The following FTO variants were observed in gnomAD, a reference collection of about 807,000 sequenced individuals.
The protein encoded by FTO is FTO alpha-ketoglutarate dependent dioxygenase.
FTO carries 47 observed loss-of-function variants against 63.9 expected under a neutral mutation model. The ratio of observed to expected loss-of-function variants is 0.74; its 90% CI spans 0.58 to 0.94. FTO has a LOEUF of 0.94. Among genes scored for constraint, FTO ranks in the 40% least tolerant of loss-of-function variants. The pLI is 0.00. For synonymous variants in FTO, 207 were observed against 224.4 expected, an observed-to-expected ratio of 0.92 and a Z score of 0.69; for missense variants, 562 against 618.1, an observed-to-expected ratio of 0.91 and a Z score of 0.96.
intron 1 of FTO, among the ~76,000 whole-genome samples, chr16:53,737,553 G>A (rs1024778286): frequency 1.3e-5 from 2 of 152,176 alleles, no homozygotes; most frequent in African/African-American, 4.8e-5. Flanking sequence ...ATACATTATT[G>A]TAATCTTATG....
In FTO at chr16:54,056,915, C is replaced by T. The variant is rs193169951; in HGVS notation, c.1365-54847C>T. On this transcript the variant is annotated intron_variant, in intron 8 of 8. Transcript: ENST00000471389. ...TATACTGGCCAATTACCACATGTATCGATTCATTTATTTATTCATTCAGTA... is the reference window on the plus strand; with the variant it reads ...TATACTGGCCAATTACCACATGTATTGATTCATTTATTTATTCATTCAGTA... Among the ~76,000 whole-genome samples the T allele has an allele frequency of 1.1e-4, 16 of 152,282 alleles. No individual in the cohort carries two copies. The East Asian group carries it at 2.7e-3, about 26-fold the overall frequency.
At chr16:54,093,315 C>G (rs954051480) in intron 8 of FTO, among the ~76,000 whole-genome samples, 1 of 152,222 alleles carries the variant, frequency 6.6e-6, no homozygotes, top group Non-Finnish European at 1.5e-5. Context: ...TCAGCTAGCG[C>G]GGCAGAAAAC....
At chr16:54,013,851 A>T (rs761563343) in intron 8 of FTO, among the ~76,000 whole-genome samples, 15 of 152,212 alleles carry the variant, frequency 9.9e-5, no homozygotes, top group Non-Finnish European at 2.1e-4. Context: ...CAAAAAATTC[A>T]CGTGAGCTAC....
intron 3 of FTO, among the ~76,000 whole-genome samples, chr16:53,843,037 G>C (rs950687552): frequency 3.9e-5 from 6 of 152,072 alleles, no homozygotes; most frequent in Non-Finnish European, 4.4e-5. Flanking sequence ...ATATTAGATA[G>C]TTCCATATCT....
intron 1 of FTO, among the ~76,000 whole-genome samples, chr16:53,723,474 C>T (rs1037494119): frequency 2.6e-5 from 4 of 152,038 alleles, no homozygotes; most frequent in African/African-American, 4.8e-5. Context: ...AGGAGGAAAA[C>T]GGGTCACCTG....
rs2086991343 is a variant in FTO at position 54,119,298 on chromosome 16, G to T, written c.*7383G>T. On this transcript the variant is annotated 3_prime_UTR_variant, in exon 9 of 9. Coordinates refer to ENST00000471389, the MANE Select transcript of FTO (RefSeq NM_001080432.3). ...ATTATCCTTTCAAATAGGGAATTCG[G>T]CTTTCCACGTTGGAACCAGAACAGT... is the stretch of plus-strand genomic sequence containing the variant. 6.6e-6 allele frequency: 1 copy of T among 152,166 alleles called. No individual in the cohort carries two copies. The highest frequency in any genetic ancestry group is 1.5e-5 in the Non-Finnish European group (1 of 68,040). The allele number at this position is 152,166 out of a possible 1,614,324, so 9.4% of individuals were successfully genotyped here. A position where few individuals can be genotyped will look rare whatever the true frequency, so the allele number is the denominator to read the frequency against.
intron 7 of FTO, among the ~76,000 whole-genome samples, chr16:53,889,478 G>A (rs556788582): frequency 6.6e-6 from 1 of 152,314 alleles, no homozygotes; most frequent in East Asian, 1.9e-4. Flanking sequence ...AGTTGAACAA[G>A]GAGAGGGGCA....
At chr16:54,025,238 A>C (rs1443735924) in intron 8 of FTO, among the ~76,000 whole-genome samples, 1 of 152,246 alleles carries the variant, frequency 6.6e-6, no homozygotes, top group South Asian at 2.1e-4. Flanking sequence ...AGCACTGTTA[A>C]TACTAGAAGA....
At chr16:53,715,504 ATCTTGGTGTCT>A (rs1427715276) in intron 1 of FTO, among the ~76,000 whole-genome samples, 1 of 152,222 alleles carries the variant, frequency 6.6e-6, no homozygotes, top group Non-Finnish European at 1.5e-5. Flanking sequence ...GGCAGGATGC[ATCTTGGTGTCT>A]TCTGTGGAGC....
chr16:53,970,153 C>G (rs1401517989), intron 8 of FTO, among the ~76,000 whole-genome samples: 1 of 152,168 alleles, frequency 6.6e-6, no homozygotes, highest in East Asian at 1.9e-4. Flanking sequence ...ACAAACCAAA[C>G]TAAAGCTCAA....
At chr16:54,105,516 T>G (rs1260049467) in intron 8 of FTO, among the ~76,000 whole-genome samples, 3 of 152,154 alleles carry the variant, frequency 2.0e-5, no homozygotes. Flanking sequence ...CATCAAACCT[T>G]GAGTAAGGCA....
chr16:54,018,638 C>T (rs1222746512), intron 8 of FTO, among the ~76,000 whole-genome samples: 3 of 152,076 alleles, frequency 2.0e-5, no homozygotes, highest in East Asian at 1.9e-4. Flanking sequence ...ATGCTAGTCT[C>T]GTGATAGTGA....
chr16:53,915,766 G>A (rs2081849477), intron 7 of FTO, among the ~76,000 whole-genome samples: 1 of 152,188 alleles, frequency 6.6e-6, no homozygotes, highest in Non-Finnish European at 1.5e-5. Flanking sequence ...GACAATTTCA[G>A]CGTGAAAGGG....
chr16:53,809,697 T>C (rs2078470253), intron 1 of FTO, among the ~76,000 whole-genome samples: 1 of 152,178 alleles, frequency 6.6e-6, no homozygotes, highest in Non-Finnish European at 1.5e-5. Context: ...ATCCCAGCAC[T>C]GTAGGAGGCC....
At position 53,844,203 on chromosome 16, in the gene FTO, C is replaced by A. The variant is rs1475617180; in HGVS notation, c.800C>A (p.Pro267His). The change falls in exon 4 of 9, where the codon CCT becomes CAT. Residue 267 changes from proline (P) to histidine (H), a missense_variant. Transcript: ENST00000471389. ...GACTCTCATCTCGAAGGCAGGGATC[C>A]TGATATTTGGCATGTTGGTTTTAAG... ...EDDSHLEGRD[P>H]DIWHVGFKIS... The A allele has an allele frequency of 6.2e-7, 1 of 1,613,612 alleles. No individual in the cohort carries two copies. Among genetic ancestry groups the A allele is most frequent in the Admixed American group, 1.7e-5 (1 of 59,986 alleles).
In FTO at chr16:53,821,487, G is replaced by A. The variant is rs568366433; in HGVS notation, c.124-4377G>A. Among the ~76,000 whole-genome samples the A allele has an allele frequency of 2.0e-5, 3 of 152,308 alleles. No individual in the cohort carries two copies. The South Asian group carries it at 6.2e-4, about 32-fold the overall frequency. ...GCTTTCTTCATAAGCTATGTAAATA[G>A]AAAGTACGATATCACTGTTTCTGTT... On this transcript the variant is annotated intron_variant, in intron 2 of 8. Coordinates refer to ENST00000471389, the MANE Select transcript of FTO (RefSeq NM_001080432.3).
At chr16:53,940,499 T>C (rs545325900) in intron 8 of FTO, among the ~76,000 whole-genome samples, 1 of 152,326 alleles carries the variant, frequency 6.6e-6, no homozygotes, top group East Asian at 1.9e-4. Context: ...TTCTAGAGAT[T>C]ACCTACTTAT....
intron 8 of FTO, among the ~76,000 whole-genome samples, chr16:54,013,190 A>T (rs1436535373): frequency 2.0e-5 from 3 of 152,166 alleles, no homozygotes; most frequent in Non-Finnish European, 2.9e-5. Flanking sequence ...ACCCTCACGG[A>T]TGACTTTGAG....
chr16:53,809,913 C>T (rs1242342440), intron 1 of FTO, among the ~76,000 whole-genome samples: 1 of 151,490 alleles, frequency 6.6e-6, no homozygotes, highest in Admixed American at 6.6e-5. Context: ...TGTATTCCAG[C>T]CAAGGTGACA....
Sources: allele counts gnomAD v4.1 joint callset (sites outside exome capture counted in the v4.1 genomes callset), GRCh38; gene constraint gnomAD v4.1.1; transcripts MANE v1.5; gene names NCBI Gene and HGNC (gene_info 2026-07-23, HGNC 2026-07-21).